TRIO: variants seen among roughly 807,000 people sequenced by gnomAD.
TRIO encodes trio Rho guanine nucleotide exchange factor.
TRIO carries 58 observed loss-of-function variants against 351.9 expected under a neutral mutation model. The ratio of observed to expected loss-of-function variants is 0.16; its 90% CI spans 0.13 to 0.21. The LOEUF (loss-of-function observed/expected upper bound fraction) is 0.21. Ranked by LOEUF, TRIO falls within the 10% of genes least tolerant of loss-of-function variation. TRIO has a pLI of 1.00. For synonymous variants in TRIO, 1,758 were observed against 1,595.7 expected, an observed-to-expected ratio of 1.10 and a Z score of -2.42; for missense variants, 3,201 against 4,027.8, an observed-to-expected ratio of 0.79 and a Z score of 5.56.
chr5:14,179,380 T>C (rs1789608722), intron 1 of TRIO, among the ~76,000 whole-genome samples: 1 of 152,234 alleles, frequency 6.6e-6, no homozygotes, highest in African/African-American at 2.4e-5. Flanking sequence ...AAAATAAAAA[T>C]GTATTCTTTT....
rs763490348 is a variant in TRIO at position 14,387,540 on chromosome 5, G to C, written c.3673G>C (p.Asp1225His). Residue 1225 changes from aspartate to histidine, a missense_variant, in exon 22 of 57, where the codon GAT becomes CAT. By Grantham distance (81) the Asp-to-His change is moderately conservative. Around this residue, in one of 19 missense-constraint regions of TRIO, gnomAD observed 201 missense variants for 266.5 expected, o/e 0.75. Transcript: ENST00000344204. Reference sequence around the variant, plus strand: ...GATAAAAAAATGTGTTACTGCTGTGGATAAGAGGTACAGAGATTTCTCTCT... The same window carrying C: ...GATAAAAAAATGTGTTACTGCTGTGCATAAGAGGTACAGAGATTTCTCTCT... ...AEIKKCVTAV[D>H]KRYRDFSLRM... is the part of the protein sequence containing the mutation. 6.2e-6 allele frequency: 10 copies of C among 1,614,252 alleles called. No homozygotes were observed. The highest frequency in any genetic ancestry group is 8.5e-6 in the Non-Finnish European group (10 of 1,180,036).
At chr5:14,418,596 T>C (rs1438692736) in intron 33 of TRIO, among the ~76,000 whole-genome samples, 2 of 152,170 alleles carry the variant, frequency 1.3e-5, no homozygotes, top group Non-Finnish European at 2.9e-5. Flanking sequence ...TGATGAGTCA[T>C]GTCCCAGACT....
chr5:14,211,650 C>CT (rs1194741439), intron 1 of TRIO, among the ~76,000 whole-genome samples: 1 of 119,316 alleles, frequency 8.4e-6, no homozygotes, highest in Non-Finnish European at 1.7e-5. Context: ...TAAGAACAGT[C>CT]TTTTTGTCAC....
intron 33 of TRIO, among the ~76,000 whole-genome samples, chr5:14,418,375 G>C (rs1749821135): frequency 1.3e-5 from 2 of 152,200 alleles, no homozygotes; most frequent in African/African-American, 4.8e-5. Flanking sequence ...TGGAGTCTGT[G>C]AGGGAGGAAG....
intron 2 of TRIO, among the ~76,000 whole-genome samples, chr5:14,275,736 G>C (rs1370296235): frequency 1.3e-5 from 2 of 150,736 alleles, no homozygotes; most frequent in Admixed American, 1.3e-4. Flanking sequence ...ATATTCTGGA[G>C]ATCAGTATAT....
intron 11 of TRIO, among the ~76,000 whole-genome samples, chr5:14,356,276 A>G (rs1743603500): frequency 6.6e-6 from 1 of 152,216 alleles, no homozygotes; most frequent in Non-Finnish European, 1.5e-5. Context: ...TAAAAATGGA[A>G]GTCAGTTTCC....
intron 8 of TRIO, among the ~76,000 whole-genome samples, chr5:14,311,279 T>C (rs564627417): frequency 2.6e-5 from 4 of 152,374 alleles, no homozygotes; most frequent in African/African-American, 9.6e-5. Flanking sequence ...TGGTTTTTCC[T>C]TTCTGATAAT....
chr5:14,459,927 T>C (rs1312247294), intron 34 of TRIO, among the ~76,000 whole-genome samples: 1 of 152,112 alleles, frequency 6.6e-6, no homozygotes, highest in African/African-American at 2.4e-5. Flanking sequence ...TCTTTTTTCT[T>C]TTTTTGGGGA....
rs139353193 is a variant in TRIO at position 14,321,577 on chromosome 5, G to A, written c.1731+4834G>A. On this transcript the variant is annotated intron_variant, in intron 9 of 56. Coordinates refer to ENST00000344204, the MANE Select transcript of TRIO (RefSeq NM_007118.4). ...TTTCACCTCATAGAGTTCAAAGCCC[G>A]AAGGATCTCCTATTCTGTGCCTTTT... Among the ~76,000 whole-genome samples, 206 of 152,336 alleles carry A rather than the reference G, an allele frequency of 1.4e-3. 2 individuals carry two copies. The highest frequency in any genetic ancestry group is 4.9e-3 in the African/African-American group (202 of 41,580).
intron 34 of TRIO, among the ~76,000 whole-genome samples, chr5:14,448,412 T>G (rs1432231385): frequency 6.6e-6 from 1 of 152,234 alleles, no homozygotes; most frequent in Non-Finnish European, 1.5e-5. Flanking sequence ...GAGCGTGGGT[T>G]GTCTCACAGC....
intron 18 of TRIO, among the ~76,000 whole-genome samples, chr5:14,370,129 T>A (rs1236671872): frequency 6.6e-6 from 1 of 151,914 alleles, no homozygotes; most frequent in Non-Finnish European, 1.5e-5. Context: ...CTTTCTTTTT[T>A]TTTTTTTAAT....
At position 14,487,905 on chromosome 5, in the gene TRIO, C is replaced by G; in HGVS notation, c.7277C>G (p.Ser2426Trp). ...CCCAGGAAAGGCGCCGCGAACGCCT[C>G]GGGGTCGAGCCCAGACGCCCCCGCC... is the stretch of plus-strand genomic sequence containing the variant. ...ESPRKGAANA[S>W]GSSPDAPAKD... Residue 2426 changes from serine to tryptophan, a missense_variant, in exon 48 of 57, where the codon TCG becomes TGG. This residue lies in a region of TRIO where 1,089 missense variants were observed against 954.9 expected (regional missense o/e 1.14). Coordinates refer to ENST00000344204, the MANE Select transcript of TRIO (RefSeq NM_007118.4). The G allele has an allele frequency of 6.5e-7, 1 of 1,539,932 alleles. No homozygotes were observed. Among genetic ancestry groups the G allele is most frequent in the Non-Finnish European group, 8.7e-7 (1 of 1,143,198 alleles).
intron 3 of TRIO, among the ~76,000 whole-genome samples, chr5:14,283,216 A>G (rs1736154126): frequency 6.6e-6 from 1 of 152,196 alleles, no homozygotes. Flanking sequence ...TATGAACACA[A>G]GGCGTTTCTA....
At chr5:14,417,945 C>G (rs1222364767) in intron 33 of TRIO, among the ~76,000 whole-genome samples, 2 of 152,202 alleles carry the variant, frequency 1.3e-5, no homozygotes, top group African/African-American at 2.4e-5. Context: ...ACCACTGGCA[C>G]TGGGGGACTC....
In TRIO at chr5:14,151,368, TTGTGTGTGTGTGTGTGTTTG is replaced by T. The variant is rs1210256778; in HGVS notation, c.157+7504_157+7523del. On this transcript the variant is annotated intron_variant, in intron 1 of 56. Coordinates refer to ENST00000344204, the MANE Select transcript of TRIO (RefSeq NM_007118.4). ...GGGTTTGTTGGTGCCTGTTTTTTCA[TTGTGTGTGTGTGTGTGTTTG>T]TGTGTGTGTGTGTGTGTGTGTATGT... 2.2e-3 allele frequency among the ~76,000 whole-genome samples: 267 copies of T among 123,524 alleles called. 6 individuals carry two copies. The South Asian group carries it at 0.065, about 30-fold the overall frequency. The allele number at this position is 123,524 out of a possible 152,430, so 81.0% of individuals were successfully genotyped here.
intron 1 of TRIO, among the ~76,000 whole-genome samples, chr5:14,202,053 C>T (rs945648775): frequency 6.0e-5 from 9 of 151,248 alleles, no homozygotes; most frequent in Non-Finnish European, 8.8e-5. Flanking sequence ...ACCAACATGG[C>T]ACATGTATAC....
chr5:14,506,976 T>C, intron 55 of TRIO, 146 bp from the exon 56 acceptor site: 1 of 1,124,544 alleles, frequency 8.9e-7, no homozygotes, highest in Non-Finnish European at 1.2e-6. Flanking sequence ...CCCCTCCTTG[T>C]CTAGTCACGC....
In TRIO at chr5:14,147,313, G is replaced by A. The variant is rs550158798; in HGVS notation, c.157+3431G>A. ...TGGTCCCTGGTGCTCTTTCCTGGTC[G>A]CTTCTCATAGCCAGGACGTTGCTTA... On this transcript the variant is annotated intron_variant, in intron 1 of 56. Transcript: ENST00000344204. 3.3e-5 allele frequency among the ~76,000 whole-genome samples: 5 copies of A among 152,208 alleles called. No homozygotes were observed. The South Asian group carries it at 1.0e-3, about 32-fold the overall frequency.
chr5:14,467,614 G>A (rs944400637), intron 37 of TRIO, among the ~76,000 whole-genome samples: 7 of 152,084 alleles, frequency 4.6e-5, no homozygotes, highest in Admixed American at 2.0e-4. Flanking sequence ...CCAGGAGTTC[G>A]AGACCAGCCT....
Sources: gnomAD v4.1 joint callset for allele counts (sites outside exome capture counted in the v4.1 genomes callset) on GRCh38, gnomAD v4.1.1 for gene constraint, gnomAD v4.1.1 regional missense constraint, MANE v1.5 for transcripts, NCBI Gene and HGNC (gene_info 2026-07-23, HGNC 2026-07-21) for gene names.